DCHS1: variants seen among roughly 807,000 people sequenced by gnomAD.
DCHS1 encodes the protein protocadherin-16.
A neutral mutation model predicts 213.9 loss-of-function variants in DCHS1; 78 were observed. The ratio of observed to expected loss-of-function variants is 0.36; its 90% CI spans 0.30 to 0.44. The LOEUF is 0.44. Ranked by LOEUF, DCHS1 falls within the 20% of genes least tolerant of loss-of-function variation. The pLI is 1.00. For synonymous variants in DCHS1, 1,828 were observed against 1,873.7 expected (o/e 0.98, Z 0.63); for missense variants, 3,946 against 4,395.9 (o/e 0.90, Z 2.89).
Position 6,641,087 on chromosome 11 carries a change from C to T in DCHS1, c.527G>A (p.Gly176Glu). 6.2e-7 allele frequency: 1 copy of T among 1,614,000 alleles called. No homozygotes were observed. Among genetic ancestry groups the T allele is most frequent in the African/African-American group, 1.3e-5 (1 of 75,060 alleles). Reference protein sequence around the residue: ...PARDADAGRLGTQGYALSGDG... With the variant: ...PARDADAGRLETQGYALSGDG... The stretch of plus-strand genomic sequence containing the variant: ...ACCAGATAGCGCATAGCCCTGGGTT[C>T]CCAGACGCCCAGCATCTGCATCACG... Residue 176 changes from glycine to glutamate, a missense_variant, in exon 2 of 21, where the codon GGA (glycine) becomes GAA (glutamate). This residue lies in a region of DCHS1 where 3,384 missense variants were observed against 3,780.1 expected (regional missense o/e 0.90). Transcript: ENST00000299441. This position sits in a 1 kb window ranked among gnomAD's most constrained non-coding sequence, Gnocchi z 7.1.
intron 6 of DCHS1, 42 bp downstream of exon 6, chr11:6,631,989 G>T: frequency 6.7e-7 from 1 of 1,490,764 alleles, no homozygotes; most frequent in South Asian, 1.4e-5. Context: ...CCAGGCTGGG[G>T]ATAAGGCTAT....
At chr11:6,635,490 G>A (rs1855973740) in intron 2 of DCHS1, among the ~76,000 whole-genome samples, 1 of 152,204 alleles carries the variant, frequency 6.6e-6, no homozygotes, top group East Asian at 1.9e-4. Context: ...GAGGAAGCTG[G>A]AGAGTTCCCC....
Position 6,640,912 on chromosome 11 carries a change from G to T in DCHS1, c.702C>A (p.Pro234=), listed in dbSNP as rs1044542203. The change falls in exon 2 of 21, where the codon CCC becomes CCA. Residue 234 remains proline, a synonymous_variant. Coordinates refer to ENST00000299441, the MANE Select transcript of DCHS1 (RefSeq NM_003737.4). This position sits in a 1 kb window ranked among gnomAD's most constrained non-coding sequence, Gnocchi z 6.5. Reference sequence around the variant, plus strand: ...CGTCCAGCAGGGCCTGGGCCCTCCGGGGGGGTGAACCACCATCATAGGCCT... The same window carrying T: ...CGTCCAGCAGGGCCTGGGCCCTCCGTGGGGGTGAACCACCATCATAGGCCT... ...QLEAYDGGSP[P]RRAQALLDVT... The T allele has an allele frequency of 3.7e-6, 6 of 1,614,020 alleles. No individual in the cohort carries two copies. The highest frequency in any genetic ancestry group is 2.7e-5 in the African/African-American group (2 of 75,056).
intron 5 of DCHS1, 146 bp from the exon 6 acceptor site, chr11:6,633,202 A>G: frequency 8.6e-7 from 1 of 1,163,494 alleles, no homozygotes; most frequent in Non-Finnish European, 1.2e-6. Flanking sequence ...TTGGCAAAGA[A>G]GTTGGTTGGC....
rs1589966257 is a variant in DCHS1, at chr11:6,655,589, C to A, written c.-147G>T. The A allele has an allele frequency of 2.0e-6, 2 of 979,658 alleles. No individual in the cohort carries two copies. The highest frequency in any genetic ancestry group is 3.5e-5 in the African/African-American group (2 of 56,568). 60.7% of individuals were successfully genotyped at this position (979,658 alleles called of 1,614,324 possible). On this transcript the variant is annotated 5_prime_UTR_variant, in exon 1 of 21. Transcript: ENST00000299441. ...TCCGCGCGACGCGGGCTCCCTCGCCCGGTGCTGGGGCGCCGTCCGGCCGCG... is the reference window on the plus strand; with the variant it reads ...TCCGCGCGACGCGGGCTCCCTCGCCAGGTGCTGGGGCGCCGTCCGGCCGCG...
chr11:6,631,833 T>C (rs1324166767), intron 6 of DCHS1, 24 bp from the exon 7 acceptor site: 5 of 1,506,968 alleles, frequency 3.3e-6, no homozygotes, highest in Non-Finnish European at 4.4e-6. Flanking sequence ...AAGGCGATCA[T>C]GTACGAGATG....
chr11:6,647,627 C>T (rs1337729569), intron 1 of DCHS1, among the ~76,000 whole-genome samples: 1 of 152,206 alleles, frequency 6.6e-6, no homozygotes, highest in Non-Finnish European at 1.5e-5. Flanking sequence ...ACCATAACAA[C>T]CCTGTGAGGA....
chr11:6,635,431 A>C (rs938706944), intron 2 of DCHS1, among the ~76,000 whole-genome samples: 9 of 152,202 alleles, frequency 5.9e-5, no homozygotes, highest in African/African-American at 2.2e-4. Flanking sequence ...AGCCTGTGAC[A>C]AAGCGCTCTT....
rs1037987753 is a variant in DCHS1 at position 6,641,836 on chromosome 11, C to T, written c.-120-103G>A. The T allele has an allele frequency of 9.4e-7, 1 of 1,064,090 alleles. No individual in the cohort carries two copies. Among genetic ancestry groups the T allele is most frequent in the Admixed American group, 3.0e-5 (1 of 33,760 alleles). The allele number at this position is 1,064,090 out of a possible 1,614,324, so 65.9% of individuals were successfully genotyped here. A position where few individuals can be genotyped will look rare whatever the true frequency, so the allele number is the denominator to read the frequency against. ...ACATTCAGATATGCTCAGCCCCCAG[C>T]AGGCCCTTGTGCTGCCTCACACTCA... On this transcript the variant is annotated intron_variant, in intron 1 of 20. Transcript: ENST00000299441. The surrounding 1 kb of genome is among the most constrained non-coding windows in gnomAD (Gnocchi z 7.1).
chr11:6,629,719 G>A lies in DCHS1; in HGVS notation c.4988C>T (p.Pro1663Leu), dbSNP rs1380299535. The change falls in exon 11 of 21, where the codon CCT (proline) becomes CTT (leucine). Residue 1663 changes from proline to leucine, a missense_variant. Physicochemically the swap from Pro to Leu is moderately conservative, Grantham distance 98. This residue lies in a region of DCHS1 where 3,384 missense variants were observed against 3,780.1 expected (regional missense o/e 0.90). Transcript: ENST00000299441. The stretch of plus-strand genomic sequence containing the variant: ...CAGGGTGAGCAGAGATGTGCCAGGA[G>A]GGTTGTTCTCACGCAAGAGGACGCT... Reference protein sequence around the residue: ...EYSVLLRENNPPGTSLLTLRA... With the variant: ...EYSVLLRENNLPGTSLLTLRA... 1.9e-6 allele frequency: 3 copies of A among 1,613,902 alleles called. No individual in the cohort carries two copies. The highest frequency in any genetic ancestry group is 4.5e-5 in the East Asian group (2 of 44,884).
At chr11:6,638,416 G>T (rs1005545982) in intron 2 of DCHS1, among the ~76,000 whole-genome samples, 2 of 152,086 alleles carry the variant, frequency 1.3e-5, no homozygotes, top group Admixed American at 6.6e-5. Context: ...TTGTGACCTG[G>T]CTCCTGTCTA....
In DCHS1 at chr11:6,631,616, C is replaced by T. The variant is rs937966192; in HGVS notation, c.3675G>A (p.Gln1225=). The part of the protein sequence containing the change: ...SGAAGGGLPI[Q]VPDRVPPGTL... ...GACAAAGTCCTGCCACTTCACATAC[C>T]TGTATAGGGAGGCCCCCACCAGCAG... The change falls in exon 7 of 21, where the codon CAG becomes CAA. Residue 1225 remains glutamine, a splice_region_variant and synonymous_variant. Transcript: ENST00000299441. The T allele has an allele frequency of 1.3e-6, 2 of 1,573,196 alleles. No individual in the cohort carries two copies. The highest frequency in any genetic ancestry group is 1.7e-6 in the Non-Finnish European group (2 of 1,159,962).
chr11:6,654,587 G>A (rs1158267279), intron 1 of DCHS1, among the ~76,000 whole-genome samples: 1 of 152,010 alleles, frequency 6.6e-6, no homozygotes, highest in African/African-American at 2.4e-5. Context: ...GTGTGTGTTG[G>A]CTTGATAGAG....
At chr11:6,642,937 G>A (rs1413715200) in intron 1 of DCHS1, among the ~76,000 whole-genome samples, 1 of 152,174 alleles carries the variant, frequency 6.6e-6, no homozygotes, top group East Asian at 1.9e-4. Context: ...GCGAGAAGTG[G>A]ATAGGTCTCT....
rs752242958 is a variant in DCHS1, at chr11:6,641,061, C to T, written c.553G>A (p.Asp185Asn). 2 of 1,614,018 alleles carry T rather than the reference C, an allele frequency of 1.2e-6. No individual in the cohort carries two copies. The highest frequency in any genetic ancestry group is 1.3e-5 in the African/African-American group (1 of 75,072). Residue 185 changes from aspartate to asparagine, a missense_variant, in exon 2 of 21, where the codon GAT (aspartate) becomes AAT (asparagine). Coordinates refer to ENST00000299441, the MANE Select transcript of DCHS1 (RefSeq NM_003737.4). The surrounding 1 kb of genome is among the most constrained non-coding windows in gnomAD (Gnocchi z 7.1). ...LGTQGYALSG[D>N]GAGETFRLET... Reference sequence around the variant, plus strand: ...AGCCGGAAGGTCTCTCCAGCCCCATCACCAGATAGCGCATAGCCCTGGGTT... The same window carrying T: ...AGCCGGAAGGTCTCTCCAGCCCCATTACCAGATAGCGCATAGCCCTGGGTT...
intron 1 of DCHS1, among the ~76,000 whole-genome samples, chr11:6,648,649 T>C (rs1374833667): frequency 6.6e-6 from 1 of 152,106 alleles, no homozygotes; most frequent in Admixed American, 6.5e-5. Context: ...GACAGGATAG[T>C]GGTTAAGATG....
Position 6,632,771 on chromosome 11 carries a change from T to C in DCHS1, c.2741A>G (p.Tyr914Cys). Reference sequence around the variant, plus strand: ...GTCGGGGTCAAGAGCCCGCAGTGTATAGATGGGAGTCCCTGGGGCAGTGTT... The same window carrying C: ...GTCGGGGTCAAGAGCCCGCAGTGTACAGATGGGAGTCCCTGGGGCAGTGTT... The part of the protein sequence containing the change: ...PPNTAPGTPI[Y>C]TLRALDPDSG... The change falls in exon 6 of 21, where the codon TAT (tyrosine) becomes TGT (cysteine). Residue 914 changes from tyrosine (Y) to cysteine (C), a missense_variant. By Grantham distance (194) the Tyr-to-Cys change is radical. This residue lies in a region of DCHS1 where 3,384 missense variants were observed against 3,780.1 expected (regional missense o/e 0.90). Coordinates refer to ENST00000299441, the MANE Select transcript of DCHS1 (RefSeq NM_003737.4). This position sits in a 1 kb window ranked among gnomAD's most constrained non-coding sequence, Gnocchi z 5.9. The C allele has an allele frequency of 6.2e-7, 1 of 1,613,552 alleles. No individual in the cohort carries two copies. Among genetic ancestry groups the C allele is most frequent in the Non-Finnish European group, 8.5e-7 (1 of 1,179,716 alleles).
chr11:6,642,448 G>T (rs1274797729), intron 1 of DCHS1, among the ~76,000 whole-genome samples: 3 of 152,332 alleles, frequency 2.0e-5, no homozygotes, highest in Admixed American at 1.3e-4. Flanking sequence ...GGGAGTCAGG[G>T]AGTCCGTGTT....
chr11:6,640,145 C>T lies in DCHS1; in HGVS notation c.1469G>A (p.Ser490Asn). The change falls in exon 2 of 21, where the codon AGC becomes AAC. Residue 490 changes from serine to asparagine, a missense_variant. Transcript: ENST00000299441. This position sits in a 1 kb window ranked among gnomAD's most constrained non-coding sequence, Gnocchi z 6.5. ...CCGAGCAGTCACCCGCACTACAAAG[C>T]TGCCAGGCAGCGCAACCTCAGGCAG... ...EPLPEVALPG[S>N]FVVRVTARDP... 1 of 1,613,714 alleles carries T rather than the reference C, an allele frequency of 6.2e-7. No individual in the cohort carries two copies. Among genetic ancestry groups the T allele is most frequent in the Non-Finnish European group, 8.5e-7 (1 of 1,179,776 alleles).
Sources: allele counts gnomAD v4.1 joint callset (sites outside exome capture counted in the v4.1 genomes callset), GRCh38; gene constraint gnomAD v4.1.1; regional missense constraint gnomAD v4.1.1; non-coding constraint Gnocchi (gnomAD v3.1); transcripts MANE v1.5; gene names NCBI Gene and HGNC (gene_info 2026-07-23, HGNC 2026-07-21).